Variants in ASH1L observed in about 807,000 individuals in gnomAD.
ASH1L encodes the protein ASH1 like histone lysine methyltransferase, also known as histone-lysine N-methyltransferase ASH1L.
In ASH1L, 23 loss-of-function variants were observed where a neutral mutation model predicts 269.0. That is an observed-to-expected ratio of 0.09 (90% CI 0.06 to 0.12). The LOEUF is 0.12. ASH1L is among the 10% of genes least tolerant of loss of function. The probability of loss-of-function intolerance (pLI) is 1.00; values close to 1 mark genes in which losing one functional copy is unlikely to be tolerated. For missense variants in ASH1L, 2,912 were observed against 3,567.8 expected (o/e 0.82, Z 4.68); for synonymous variants, 1,187 against 1,253.5 (o/e 0.95, Z 1.12).
chr1:155,499,857 A>G (rs1454605919), intron 2 of ASH1L, among the ~76,000 whole-genome samples: 1 of 151,800 alleles, frequency 6.6e-6, no homozygotes, highest in Non-Finnish European at 1.5e-5. Flanking sequence ...TTTTTTTTCC[A>G]TTAGCAAGAT....
chr1:155,443,396 T>C (rs112420624), intron 4 of ASH1L, among the ~76,000 whole-genome samples: 1 of 152,376 alleles, frequency 6.6e-6, no homozygotes, highest in African/African-American at 2.4e-5. Context: ...GACATGATGC[T>C]GCACACTATA....
chr1:155,363,179 CT>C, intron 12 of ASH1L, among the ~76,000 whole-genome samples: 1 of 152,194 alleles, frequency 6.6e-6, no homozygotes, highest in Non-Finnish European at 1.5e-5. Flanking sequence ...GACGGGATTT[CT>C]CCACGTTGGT....
intron 5 of ASH1L, chr1:155,433,979 C>T: frequency 6.3e-7 from 1 of 1,583,136 alleles, no homozygotes; most frequent in Non-Finnish European, 8.6e-7. Context: ...CGCCCAGCAG[C>T]TTGGGCTCGA....
intron 11 of ASH1L, 63 bp downstream of exon 11, chr1:155,370,714 C>T (rs976737117): frequency 2.5e-6 from 4 of 1,611,444 alleles, no homozygotes; most frequent in Non-Finnish European, 2.5e-6. Flanking sequence ...TTCACATCTT[C>T]CATTCTCCAT....
intron 1 of ASH1L, among the ~76,000 whole-genome samples, chr1:155,555,393 A>T (rs908042356): frequency 6.7e-6 from 1 of 148,546 alleles, no homozygotes; most frequent in Non-Finnish European, 1.5e-5. Context: ...GCTACTCAGG[A>T]GGCTGAGGCA....
Position 155,480,173 on chromosome 1 carries a change from T to A in ASH1L, c.2697A>T (p.Ser899=). ...GTACAGGTGGCTTCATCTTGACTGG[T>A]GACCTCATTTGCCTCTTAGGCCTGC... ...KRGRPKRQMR[S]PVKMKPPVLS... The change falls in exon 3 of 28, where the codon TCA becomes TCT. Residue 899 remains serine (S), a synonymous_variant. Transcript: ENST00000392403. 6.2e-7 allele frequency: 1 copy of A among 1,614,132 alleles called. No individual in the cohort carries two copies. Among genetic ancestry groups the A allele is most frequent in the Non-Finnish European group, 8.5e-7 (1 of 1,179,980 alleles).
At chr1:155,444,947 T>C (rs1003873653) in intron 4 of ASH1L, among the ~76,000 whole-genome samples, 5 of 151,998 alleles carry the variant, frequency 3.3e-5, no homozygotes, top group African/African-American at 1.2e-4. Context: ...GTCCTTGCTT[T>C]TTATACTATT....
At chr1:155,560,539 C>T (rs1278551696) in intron 1 of ASH1L, among the ~76,000 whole-genome samples, 1 of 152,168 alleles carries the variant, frequency 6.6e-6, no homozygotes, top group Non-Finnish European at 1.5e-5. Context: ...TTTAATTCCA[C>T]ACCGCCTCCC....
At chr1:155,544,710 A>G (rs1670670900) in intron 1 of ASH1L, among the ~76,000 whole-genome samples, 1 of 152,198 alleles carries the variant, frequency 6.6e-6, no homozygotes, top group African/African-American at 2.4e-5. Context: ...AAAAAGACAA[A>G]TAAGATTGGG....
At chr1:155,444,529 G>A (rs1662849383) in intron 4 of ASH1L, among the ~76,000 whole-genome samples, 1 of 152,098 alleles carries the variant, frequency 6.6e-6, no homozygotes. Flanking sequence ...ATTCTTTTGA[G>A]AAAATTCTAT....
chr1:155,344,063 C>T (rs1441447863), intron 22 of ASH1L, 120 bp downstream of exon 22: 2 of 848,330 alleles, frequency 2.4e-6, no homozygotes, highest in Admixed American at 5.2e-5. Flanking sequence ...GATATAAAAA[C>T]TTATATTCTA....
At chr1:155,453,096 T>C (rs1663609274) in intron 4 of ASH1L, among the ~76,000 whole-genome samples, 1 of 152,322 alleles carries the variant, frequency 6.6e-6, no homozygotes, top group Admixed American at 6.5e-5. Context: ...GGCTCAGGCC[T>C]GAAATCCCAG....
chr1:155,423,074 G>A (rs765596573), intron 5 of ASH1L, among the ~76,000 whole-genome samples: 23 of 151,330 alleles, frequency 1.5e-4, no homozygotes, highest in Admixed American at 4.6e-4. Context: ...TTAGCCTTCC[G>A]AGTAGCTGGG....
chr1:155,388,521 C>T (rs189473269), intron 7 of ASH1L, among the ~76,000 whole-genome samples: 348 of 152,084 alleles, frequency 2.3e-3, no homozygotes, highest in African/African-American at 8.1e-3. Flanking sequence ...AGGCTGGTCT[C>T]GAATTCCTGA....
chr1:155,537,299 G>A (rs959296989), intron 1 of ASH1L, among the ~76,000 whole-genome samples: 1 of 152,130 alleles, frequency 6.6e-6, no homozygotes, highest in African/African-American at 2.4e-5. Flanking sequence ...AAACAAACAA[G>A]AAGAGTATTT....
Position 155,338,141 on chromosome 1 carries a change from T to C in ASH1L, c.8751A>G (p.Glu2917=), listed in dbSNP as rs750872116. 6.2e-7 allele frequency: 1 copy of C among 1,614,222 alleles called. No individual in the cohort carries two copies. The highest frequency in any genetic ancestry group is 1.7e-5 in the Admixed American group (1 of 60,006). ...TPEERRHNQR[E]RLNQILLNLL... ...GATTGAGCAAGATCTGGTTGAGTCG[T>C]TCCCGTTGGTTATGCCGTCGTTCCT... Residue 2917 remains glutamate, a synonymous_variant, in exon 27 of 28, where the codon GAA becomes GAG. Coordinates refer to ENST00000392403, the MANE Select transcript of ASH1L (RefSeq NM_018489.3).
intron 3 of ASH1L, among the ~76,000 whole-genome samples, chr1:155,467,545 G>C (rs1393221234): frequency 6.6e-6 from 1 of 152,146 alleles, no homozygotes; most frequent in Non-Finnish European, 1.5e-5. Flanking sequence ...TAATTTTACA[G>C]TGAATATACT....
rs184293821 is a variant in ASH1L at position 155,428,191 on chromosome 1, C to A, written c.5828+10136G>T. On this transcript the variant is annotated intron_variant, in intron 5 of 27. Transcript: ENST00000392403. Reference sequence around the variant, plus strand: ...CAGTGGCTCACGCCTGTAATCCCAGCACTTTGGGAGGCCAAGGCAGGTGGA... The same window carrying A: ...CAGTGGCTCACGCCTGTAATCCCAGAACTTTGGGAGGCCAAGGCAGGTGGA... Among the ~76,000 whole-genome samples the A allele has an allele frequency of 3.7e-4, 56 of 152,264 alleles. 1 individual carries two copies. The highest frequency in any genetic ancestry group is 1.4e-3 in the Admixed American group (22 of 15,290).
At chr1:155,469,768 C>A (rs1054080615) in intron 3 of ASH1L, among the ~76,000 whole-genome samples, 1 of 152,186 alleles carries the variant, frequency 6.6e-6, no homozygotes, top group Admixed American at 6.5e-5. Flanking sequence ...TTTGTGGGAG[C>A]AGTTTCCAAA....
Sources: gnomAD v4.1 joint callset for allele counts (sites outside exome capture counted in the v4.1 genomes callset) on GRCh38, gnomAD v4.1.1 for gene constraint, MANE v1.5 for transcripts, NCBI Gene and HGNC (gene_info 2026-07-23, HGNC 2026-07-21) for gene names.